Variants in NKAIN1 observed in about 807,000 individuals in gnomAD.
NKAIN1 encodes sodium/potassium transporting ATPase interacting 1, also known as sodium/potassium-transporting ATPase subunit beta-1-interacting protein 1.
In NKAIN1, 13 loss-of-function variants were observed where a neutral mutation model predicts 31.6. The ratio of observed to expected loss-of-function variants is 0.41; its 90% CI spans 0.27 to 0.65. NKAIN1 has a LOEUF of 0.65. Ranked by LOEUF, NKAIN1 falls within the 30% of genes least tolerant of loss-of-function variation. The pLI, the probability that NKAIN1 is intolerant of heterozygous loss-of-function variation, is 0.30. For synonymous variants in NKAIN1, 104 were observed against 109.0 expected (o/e 0.95, Z 0.28); for missense variants, 193 against 262.2 (o/e 0.74, Z 1.82).
chr1:31,226,947 C>A (rs1235230727), intron 1 of NKAIN1, among the ~76,000 whole-genome samples: 1 of 151,792 alleles, frequency 6.6e-6, no homozygotes, highest in Non-Finnish European at 1.5e-5. Context: ...GCCTCAGACT[C>A]CTGAATAGCT....
intron 1 of NKAIN1, among the ~76,000 whole-genome samples, chr1:31,219,764 A>T (rs893822218): frequency 3.3e-5 from 5 of 152,230 alleles, no homozygotes; most frequent in Non-Finnish European, 5.9e-5. Flanking sequence ...GCTTGGGATC[A>T]GGAAATCCAG....
chr1:31,195,610 C>G (rs1401129603), intron 1 of NKAIN1, among the ~76,000 whole-genome samples: 3 of 151,874 alleles, frequency 2.0e-5, no homozygotes, highest in Non-Finnish European at 4.4e-5. Flanking sequence ...AAGCTCAAAG[C>G]CTCTCCCATT....
At chr1:31,196,862 G>A (rs1321951806) in intron 1 of NKAIN1, among the ~76,000 whole-genome samples, 2 of 152,174 alleles carry the variant, frequency 1.3e-5, no homozygotes, top group Non-Finnish European at 2.9e-5. Flanking sequence ...GAGGCAGGAT[G>A]ACCTAGTGGT....
At chr1:31,183,108 A>G (rs913855094) in intron 4 of NKAIN1, among the ~76,000 whole-genome samples, 2 of 151,880 alleles carry the variant, frequency 1.3e-5, no homozygotes, top group Non-Finnish European at 2.9e-5. Flanking sequence ...TCCTGCCTCA[A>G]CCTCTCAAGT....
At chr1:31,205,317 T>C (rs1304919792) in intron 1 of NKAIN1, among the ~76,000 whole-genome samples, 1 of 151,714 alleles carries the variant, frequency 6.6e-6, no homozygotes, top group Non-Finnish European at 1.5e-5. Flanking sequence ...TGTTTGTTTG[T>C]TTGTTTTTTG....
intron 1 of NKAIN1, among the ~76,000 whole-genome samples, chr1:31,212,307 T>G (rs1331860183): frequency 6.6e-6 from 1 of 152,062 alleles, no homozygotes; most frequent in Non-Finnish European, 1.5e-5. Flanking sequence ...TAACTGAAAA[T>G]GGGTCAAAAA....
chr1:31,183,977 T>G lies in NKAIN1; in HGVS notation c.311A>C (p.His104Pro). The change falls in exon 4 of 7, where the codon CAC becomes CCC. Residue 104 changes from histidine to proline, a missense_variant. Coordinates refer to ENST00000373736, the MANE Select transcript of NKAIN1 (RefSeq NM_024522.3). Reference sequence around the variant, plus strand: ...CCCATTCTCCATCCACCAGGAGCGGTGCAGGGATGTGTTGAAGGTCATGAT... The same window carrying G: ...CCCATTCTCCATCCACCAGGAGCGGGGCAGGGATGTGTTGAAGGTCATGAT... ...DFIMTFNTSL[H>P]RSWWMENGPG... The G allele has an allele frequency of 6.2e-7, 1 of 1,613,828 alleles. No individual in the cohort carries two copies. Among genetic ancestry groups the G allele is most frequent in the Non-Finnish European group, 8.5e-7 (1 of 1,179,970 alleles).
intron 1 of NKAIN1, among the ~76,000 whole-genome samples, chr1:31,232,527 G>A (rs889506762): frequency 4.1e-5 from 6 of 145,510 alleles, no homozygotes; most frequent in South Asian, 2.2e-4. Flanking sequence ...GGGCTCAAGC[G>A]ATCCTTCCAC....
At chr1:31,200,486 G>T (rs2377716) in intron 1 of NKAIN1, among the ~76,000 whole-genome samples, 1,588 of 147,880 alleles carry the variant, frequency 0.011, 32 homozygotes, top group African/African-American at 0.034. Flanking sequence ...TTGAGACAGG[G>T]TCTTGCTGTT....
At chr1:31,237,502 C>CT (rs5773347) in intron 1 of NKAIN1, among the ~76,000 whole-genome samples, 2,641 of 144,106 alleles carry the variant, frequency 0.018, 68 homozygotes, top group African/African-American at 0.059. Context: ...GAGAAGAAAA[C>CT]TTTTTTTTTT....
At chr1:31,191,400 GTT>G (rs34521416) in intron 1 of NKAIN1, among the ~76,000 whole-genome samples, 66,189 of 133,922 alleles carry the variant, frequency 0.49, 18,625 homozygotes, top group Middle Eastern at 0.7. Flanking sequence ...ACAGAGAGAG[GTT>G]TTTTTTTTTT....
At chr1:31,210,269 A>T (rs1645457494) in intron 1 of NKAIN1, among the ~76,000 whole-genome samples, 2 of 150,028 alleles carry the variant, frequency 1.3e-5, no homozygotes, top group Admixed American at 1.4e-4. Flanking sequence ...TTGGTGCAAA[A>T]GTAATTGTGG....
intron 1 of NKAIN1, among the ~76,000 whole-genome samples, chr1:31,208,849 C>A (rs577068719): frequency 6.6e-6 from 1 of 152,280 alleles, no homozygotes; most frequent in East Asian, 1.9e-4. Flanking sequence ...TCGGACTCTG[C>A]GAGTTGTGAT....
intron 2 of NKAIN1, among the ~76,000 whole-genome samples, chr1:31,186,394 G>GTTT (rs11303246): frequency 9.3e-4 from 90 of 97,294 alleles, no homozygotes; most frequent in African/African-American, 3.1e-3. Flanking sequence ...ATTCTTTTGT[G>GTTT]TTTTTTTTTT....
At chr1:31,201,070 C>T (rs1010888838) in intron 1 of NKAIN1, among the ~76,000 whole-genome samples, 2 of 151,998 alleles carry the variant, frequency 1.3e-5, no homozygotes, top group African/African-American at 2.4e-5. Flanking sequence ...ATTTGGGAGG[C>T]GAAGGCGGGT....
At chr1:31,182,491 G>C (rs1645210559) in intron 5 of NKAIN1, 39 bp downstream of exon 5, 4 of 1,611,118 alleles carry the variant, frequency 2.5e-6, no homozygotes, top group South Asian at 1.1e-5. Flanking sequence ...TGAAGGCGCA[G>C]GGCCAGATTC....
rs1645186174 is a variant in NKAIN1, at chr1:31,180,146, G to C, written c.*1557C>G. 6.6e-6 allele frequency: 1 copy of C among 152,346 alleles called. No individual in the cohort carries two copies. The highest frequency in any genetic ancestry group is 1.5e-5 in the Non-Finnish European group (1 of 68,152). The allele number at this position is 152,346 out of a possible 1,614,324, so 9.4% of individuals were successfully genotyped here. ...ATTTTGGCCTTAGAGAGTAGGGAAT[G>C]ATAGATTGGAGGGTAGTGGGAGAGG... On this transcript the variant is annotated 3_prime_UTR_variant, in exon 7 of 7. Coordinates refer to ENST00000373736, the MANE Select transcript of NKAIN1 (RefSeq NM_024522.3).
chr1:31,201,292 A>G (rs2148355361), intron 1 of NKAIN1, among the ~76,000 whole-genome samples: 1 of 152,182 alleles, frequency 6.6e-6, no homozygotes, highest in African/African-American at 2.4e-5. Flanking sequence ...GGTCTACCTT[A>G]GGATACTTTA....
At chr1:31,203,265 AAAAAAAT>A (rs1455251943) in intron 1 of NKAIN1, among the ~76,000 whole-genome samples, 1 of 152,098 alleles carries the variant, frequency 6.6e-6, no homozygotes, top group East Asian at 1.9e-4. Flanking sequence ...ATTCCATCTC[AAAAAAAT>A]AAAAAATAAA....
Sources: allele counts gnomAD v4.1 joint callset (sites outside exome capture counted in the v4.1 genomes callset), GRCh38; gene constraint gnomAD v4.1.1; transcripts MANE v1.5; gene names NCBI Gene and HGNC (gene_info 2026-07-23, HGNC 2026-07-21).